The following NBAS variants were observed in gnomAD, a reference collection of about 807,000 sequenced individuals.
The protein encoded by NBAS is NAG/BC035112 fusion.
NBAS carries 219 observed loss-of-function variants against 302.5 expected under a neutral mutation model. The ratio of observed to expected loss-of-function variants is 0.72; its 90% CI spans 0.65 to 0.81. The LOEUF is 0.81. Ranked by LOEUF, NBAS falls within the 30% of genes least tolerant of loss-of-function variation. NBAS has a pLI of 0.00. For synonymous variants in NBAS, 1,118 were observed against 1,021.6 expected (o/e 1.09, Z -1.80); for missense variants, 2,932 against 2,841.6 (o/e 1.03, Z -0.72).
At chr2:14,876,749 T>A in the NBAS span, among the ~76,000 whole-genome samples, 3 of 152,242 alleles carry the variant, frequency 2.0e-5, no homozygotes, top group Non-Finnish European at 4.4e-5. Context: ...CAGGTAAAGC[T>A]ATCCCCATGT....
Position 15,402,194 on chromosome 2 carries a change from TA to T in NBAS, c.3044del (p.Leu1015GlnfsTer23). 1 of 1,613,600 alleles carries T rather than the reference TA, an allele frequency of 6.2e-7. No individual in the cohort carries two copies. Among genetic ancestry groups the T allele is most frequent in the South Asian group, 1.1e-5 (1 of 91,070 alleles). On this transcript the variant is annotated frameshift_variant, in exon 26 of 52. Transcript: ENST00000281513. LOFTEE classifies it high-confidence loss of function. ...CATATCCTCTTTCTGGCAGACATTC[TA>T]GTAGGTCATAGCAAAGACAGAGTTG... ...NDQLCLCYDL[L>X]ECLPERGYGD...
the NBAS span, among the ~76,000 whole-genome samples, chr2:15,014,649 T>C: frequency 7.9e-5 from 12 of 152,090 alleles, no homozygotes; most frequent in South Asian, 2.3e-3. Context: ...GGTAAGTTTA[T>C]AACAATAAAT....
At chr2:15,015,316 G>T in the NBAS span, among the ~76,000 whole-genome samples, 1 of 151,678 alleles carries the variant, frequency 6.6e-6, no homozygotes, top group South Asian at 2.1e-4. Context: ...AACAAAAAAA[G>T]AACACACACA....
intron 25 of NBAS, 89 bp from the exon 26 acceptor site, chr2:15,402,390 A>ATTGTGCTATTTAAT: frequency 8.2e-7 from 1 of 1,218,828 alleles, no homozygotes; most frequent in Non-Finnish European, 1.2e-6. Context: ...CAGAATATTA[A>ATTGTGCTATTTAAT]ATAGCACAAT....
At chr2:14,877,434 G>T in the NBAS span, among the ~76,000 whole-genome samples, 896 of 152,160 alleles carry the variant, frequency 5.9e-3, 10 homozygotes, top group African/African-American at 0.021. Context: ...ATCAGACCTA[G>T]CATTTCTACA....
rs1424998072 is a variant in NBAS at position 15,387,055 on chromosome 2, T to C, written c.3258-3738A>G. ...ATTAAATAATGTAAATAACAATTCG[T>C]AAATAAATGCACAATTATAAAGTAT... is the stretch of plus-strand genomic sequence containing the variant. On this transcript the variant is annotated intron_variant, in intron 28 of 51. Transcript: ENST00000281513. 2.6e-5 allele frequency among the ~76,000 whole-genome samples: 4 copies of C among 151,690 alleles called. No homozygotes were observed. In the East Asian group the frequency reaches 7.7e-4, roughly 29 times the overall value.
chr2:14,849,417 A>C, the NBAS span, among the ~76,000 whole-genome samples: 1 of 151,454 alleles, frequency 6.6e-6, no homozygotes, highest in African/African-American at 2.4e-5. Flanking sequence ...CCTCCAAGAA[A>C]TATGGGACTA....
At chr2:15,310,233 T>C (rs911488455) in intron 38 of NBAS, among the ~76,000 whole-genome samples, 2 of 152,196 alleles carry the variant, frequency 1.3e-5, no homozygotes, top group East Asian at 1.9e-4. Flanking sequence ...ATGGCTCAAG[T>C]GTCAGAGGCT....
chr2:15,258,644 C>T (rs1668711517), intron 44 of NBAS, among the ~76,000 whole-genome samples: 2 of 152,126 alleles, frequency 1.3e-5, no homozygotes, highest in South Asian at 4.1e-4. Context: ...GAACCTCGCC[C>T]TGGTAAATTT....
the NBAS span, among the ~76,000 whole-genome samples, chr2:14,788,745 G>A: frequency 6.6e-6 from 1 of 152,186 alleles, no homozygotes; most frequent in African/African-American, 2.4e-5. Flanking sequence ...CCCTACTGGG[G>A]GGTGCCTCCC....
At chr2:15,456,788 T>C (rs919773011) in intron 21 of NBAS, among the ~76,000 whole-genome samples, 3 of 151,762 alleles carry the variant, frequency 2.0e-5, no homozygotes, top group African/African-American at 7.3e-5. Context: ...AGGAAGAAAA[T>C]AAAGCAGAGA....
chr2:14,915,711 T>C, the NBAS span, among the ~76,000 whole-genome samples: 1 of 152,240 alleles, frequency 6.6e-6, no homozygotes, highest in East Asian at 1.9e-4. Flanking sequence ...TACAGGCACC[T>C]GCCACCACAC....
the NBAS span, among the ~76,000 whole-genome samples, chr2:14,916,756 C>T: frequency 6.6e-6 from 1 of 152,306 alleles, no homozygotes; most frequent in East Asian, 1.9e-4. Flanking sequence ...GAAGATGCCT[C>T]ATGTATTCAG....
chr2:15,310,734 T>G (rs1671236214), intron 38 of NBAS, among the ~76,000 whole-genome samples: 1 of 152,200 alleles, frequency 6.6e-6, no homozygotes, highest in Non-Finnish European at 1.5e-5. Context: ...CACCCATGCC[T>G]TCTCCTGGCT....
chr2:14,931,314 G>T, the NBAS span, among the ~76,000 whole-genome samples: 2 of 152,118 alleles, frequency 1.3e-5, no homozygotes, highest in African/African-American at 2.4e-5. Context: ...TTGTTTGTTT[G>T]TTTGGGAAAC....
chr2:15,206,697 G>C (rs1317410213), intron 48 of NBAS, among the ~76,000 whole-genome samples: 1 of 152,200 alleles, frequency 6.6e-6, no homozygotes, highest in Non-Finnish European at 1.5e-5. Flanking sequence ...TGGCTAAAAG[G>C]GGCAAACACA....
At chr2:15,058,645 A>G in the NBAS span, among the ~76,000 whole-genome samples, 1 of 152,170 alleles carries the variant, frequency 6.6e-6, no homozygotes, top group Admixed American at 6.5e-5. Context: ...TGGGGGAAAG[A>G]TAACATCCTT....
At chr2:14,987,996 G>A in the NBAS span, among the ~76,000 whole-genome samples, 3 of 151,942 alleles carry the variant, frequency 2.0e-5, no homozygotes, top group African/African-American at 7.3e-5. Context: ...GTTCCCATTA[G>A]AATGTGACAG....
At chr2:15,047,930 T>A in the NBAS span, among the ~76,000 whole-genome samples, 1 of 152,364 alleles carries the variant, frequency 6.6e-6, no homozygotes, top group East Asian at 1.9e-4. Flanking sequence ...GAAGTCTAAA[T>A]TAGAAAACGT....
Sources: allele counts gnomAD v4.1 joint callset (sites outside exome capture counted in the v4.1 genomes callset), GRCh38; gene constraint gnomAD v4.1.1; transcripts MANE v1.5; gene names NCBI Gene and HGNC (gene_info 2026-07-23, HGNC 2026-07-21).